Variants in PDE10A observed in about 807,000 individuals in gnomAD.
PDE10A encodes phosphodiesterase 10A.
PDE10A carries 39 observed loss-of-function variants against 97.7 expected under a neutral mutation model. That is an observed-to-expected ratio of 0.40 (90% CI 0.31 to 0.52). PDE10A has a LOEUF of 0.52. Ranked by LOEUF, PDE10A falls within the 20% of genes least tolerant of loss-of-function variation. The pLI, the probability that PDE10A is intolerant of heterozygous loss-of-function variation, is 0.56. For missense variants in PDE10A, 731 were observed against 1,047.8 expected (o/e 0.70, Z 4.17); for synonymous variants, 371 against 376.8 (o/e 0.98, Z 0.18).
intron 1 of PDE10A, among the ~76,000 whole-genome samples, chr6:165,762,161 C>T (rs563378295): frequency 6.6e-6 from 1 of 152,354 alleles, no homozygotes; most frequent in Admixed American, 6.5e-5. Flanking sequence ...CAGCAATCTG[C>T]TTCCTATTGA....
intron 1 of PDE10A, among the ~76,000 whole-genome samples, chr6:165,935,362 G>T (rs1018990635): frequency 1.3e-5 from 2 of 152,190 alleles, no homozygotes; most frequent in Non-Finnish European, 2.9e-5. Context: ...ACAGGAGATG[G>T]CACTAGATGA....
intron 5 of PDE10A, among the ~76,000 whole-genome samples, chr6:165,440,189 T>C (rs1004784304): frequency 2.0e-5 from 3 of 152,232 alleles, no homozygotes; most frequent in Admixed American, 6.5e-5. Context: ...TGGAACTTGA[T>C]ATATGGATGA....
rs1786168666 is a variant in PDE10A at position 165,396,464 on chromosome 6, A to G, written c.2077-5T>C. The G allele has an allele frequency of 6.3e-7, 1 of 1,591,628 alleles. No individual in the cohort carries two copies. Among genetic ancestry groups the G allele is most frequent in the South Asian group, 1.2e-5 (1 of 85,926 alleles). On this transcript the variant is annotated splice_polypyrimidine_tract_variant and splice_region_variant and intron_variant, in intron 13 of 21. Coordinates refer to ENST00000539869, the MANE Select transcript of PDE10A (RefSeq NM_001385079.1). ...GTGGCGAATTCTATGATACATCTAG[A>G]AGGCAAATCCAAAAAAAAAACCCCC...
At chr6:165,501,044 C>T (rs917093660) in intron 2 of PDE10A, among the ~76,000 whole-genome samples, 27 of 152,108 alleles carry the variant, frequency 1.8e-4, no homozygotes, top group Non-Finnish European at 3.2e-4. Flanking sequence ...TCCCCCTCTC[C>T]GAGATGGTAG....
intron 18 of PDE10A, among the ~76,000 whole-genome samples, chr6:165,367,491 T>A (rs1783863204): frequency 6.6e-6 from 1 of 151,812 alleles, no homozygotes; most frequent in South Asian, 2.1e-4. Context: ...AGAAAAAACA[T>A]CTGAAGAAAT....
At chr6:165,805,497 A>T (rs991914866) in intron 1 of PDE10A, among the ~76,000 whole-genome samples, 4 of 152,112 alleles carry the variant, frequency 2.6e-5, no homozygotes, top group African/African-American at 9.7e-5. Flanking sequence ...CACGGGCCAG[A>T]TGTCCCTTTC....
At chr6:165,497,851 GA>G (rs1780630127) in intron 2 of PDE10A, among the ~76,000 whole-genome samples, 1 of 152,130 alleles carries the variant, frequency 6.6e-6, no homozygotes, top group Admixed American at 6.6e-5. Flanking sequence ...CTATGATCAT[GA>G]CAGAAGAAAC....
chr6:165,886,887 T>C (rs1781645572), intron 1 of PDE10A, among the ~76,000 whole-genome samples: 1 of 152,078 alleles, frequency 6.6e-6, no homozygotes, highest in African/African-American at 2.4e-5. Flanking sequence ...CCATCTTGAG[T>C]GAGAGTAAGT....
chr6:165,432,269 T>C lies in PDE10A; in HGVS notation c.1491+705A>G, dbSNP rs937508414. Among the ~76,000 whole-genome samples, 36 of 152,328 alleles carry C rather than the reference T, an allele frequency of 2.4e-4. 1 individual carries two copies. The highest frequency in any genetic ancestry group is 8.7e-4 in the African/African-American group (36 of 41,576). ...ACATTGGATAGGAGCCATTCAAATG[T>C]ACATGAAGTGTTCAGGGAGGGCCTT... On this transcript the variant is annotated intron_variant, in intron 7 of 21. Transcript: ENST00000539869.
chr6:165,912,013 C>T (rs1335919265), intron 1 of PDE10A, among the ~76,000 whole-genome samples: 1 of 151,712 alleles, frequency 6.6e-6, no homozygotes, highest in South Asian at 2.1e-4. Context: ...CTTTCTCTCT[C>T]TCCATCTATC....
chr6:165,425,040 GTTCA>G (rs1789015819), intron 10 of PDE10A, among the ~76,000 whole-genome samples: 1 of 152,010 alleles, frequency 6.6e-6, no homozygotes, highest in African/African-American at 2.4e-5. Flanking sequence ...ATTCAACAGT[GTTCA>G]TTAGGTTCCA....
chr6:165,339,813 G>T (rs765349189), intron 19 of PDE10A, among the ~76,000 whole-genome samples: 18 of 152,184 alleles, frequency 1.2e-4, no homozygotes, highest in South Asian at 2.1e-4. Context: ...TAGTAAAGAC[G>T]CAGTACAACA....
intron 1 of PDE10A, among the ~76,000 whole-genome samples, chr6:165,626,394 C>T (rs1429722110): frequency 6.6e-6 from 1 of 152,118 alleles, no homozygotes; most frequent in Non-Finnish European, 1.5e-5. Context: ...TTGATGTTAA[C>T]TCTAAAAGAA....
intron 1 of PDE10A, among the ~76,000 whole-genome samples, chr6:165,842,746 C>T (rs747761618): frequency 2.6e-5 from 4 of 152,160 alleles, no homozygotes; most frequent in South Asian, 2.1e-4. Flanking sequence ...AGTAACTTGC[C>T]GATAGTCACA....
chr6:165,787,514 G>A (rs929950713), intron 1 of PDE10A, among the ~76,000 whole-genome samples: 1 of 152,166 alleles, frequency 6.6e-6, no homozygotes, highest in Admixed American at 6.5e-5. Flanking sequence ...TCTCCTTTAT[G>A]CCAGAAGCCA....
At chr6:165,516,578 C>T (rs1369503678) in intron 2 of PDE10A, among the ~76,000 whole-genome samples, 1 of 152,304 alleles carries the variant, frequency 6.6e-6, no homozygotes, top group Admixed American at 6.5e-5. Flanking sequence ...CACCCTCTCA[C>T]ATGTTAAGCA....
intron 1 of PDE10A, among the ~76,000 whole-genome samples, chr6:165,609,106 A>C (rs1432645779): frequency 6.6e-6 from 1 of 151,956 alleles, no homozygotes; most frequent in Non-Finnish European, 1.5e-5. Context: ...GAAGCTCTTT[A>C]GTTTAATTAG....
intron 1 of PDE10A, among the ~76,000 whole-genome samples, chr6:165,935,882 C>T (rs973396797): frequency 1.3e-5 from 2 of 152,228 alleles, no homozygotes; most frequent in African/African-American, 2.4e-5. Context: ...TCACAAGATA[C>T]AGCCCCTCGC....
chr6:165,731,440 G>C (rs1792434360), intron 1 of PDE10A, among the ~76,000 whole-genome samples: 1 of 152,182 alleles, frequency 6.6e-6, no homozygotes, highest in Non-Finnish European at 1.5e-5. Context: ...TCTGCAGAGA[G>C]AGTTCCAGGC....
Sources: gnomAD v4.1 joint callset for allele counts (sites outside exome capture counted in the v4.1 genomes callset) on GRCh38, gnomAD v4.1.1 for gene constraint, MANE v1.5 for transcripts, NCBI Gene and HGNC (gene_info 2026-07-23, HGNC 2026-07-21) for gene names.